Variants in MGAT4C observed in about 807,000 individuals in gnomAD.
The protein encoded by MGAT4C is MGAT4 family member C.
MGAT4C carries 19 observed loss-of-function variants against 40.1 expected under a neutral mutation model. The ratio of observed to expected loss-of-function variants is 0.47; its 90% CI spans 0.33 to 0.70. The LOEUF is 0.70. Among genes scored for constraint, MGAT4C ranks in the 30% least tolerant of loss-of-function variants. The pLI is 0.02. For missense variants in MGAT4C, 491 were observed against 563.2 expected (o/e 0.87, Z 1.30); for synonymous variants, 181 against 187.1 (o/e 0.97, Z 0.27).
chr12:86,345,653 T>C (rs1955013591), intron 3 of MGAT4C, among the ~76,000 whole-genome samples: 2 of 152,096 alleles, frequency 1.3e-5, no homozygotes, highest in African/African-American at 4.8e-5. Flanking sequence ...TATGTGCACA[T>C]TGTTGGACAT....
intron 1 of MGAT4C, among the ~76,000 whole-genome samples, chr12:86,202,857 T>C: frequency 6.6e-6 from 1 of 152,164 alleles, no homozygotes; most frequent in Non-Finnish European, 1.5e-5. Context: ...TCTTTTGCAA[T>C]TTCAAAATTA....
At chr12:86,258,026 A>G (rs1367417894), upstream of MGAT4C, among the ~76,000 whole-genome samples, 1 of 149,666 alleles carries the variant, frequency 6.7e-6, no homozygotes, top group Admixed American at 6.7e-5. Context: ...TAAGATAATT[A>G]ATATTATCGT....
chr12:86,398,025 C>T (rs776681129), intron 3 of MGAT4C, among the ~76,000 whole-genome samples: 2 of 152,010 alleles, frequency 1.3e-5, no homozygotes, highest in African/African-American at 4.8e-5. Context: ...GTTTGTATTC[C>T]GAGAAACAAT....
intron 1 of MGAT4C, among the ~76,000 whole-genome samples, chr12:86,129,457 A>T (rs1880838286): frequency 6.6e-6 from 1 of 151,222 alleles, no homozygotes; most frequent in African/African-American, 2.4e-5. Context: ...AAAAACAGAG[A>T]GTTAATTTTA....
At chr12:86,254,897 C>T (rs561908313) in intron 1 of MGAT4C, among the ~76,000 whole-genome samples, 95 of 152,098 alleles carry the variant, frequency 6.2e-4, no homozygotes, top group African/African-American at 2.1e-3. Context: ...GGAGACAATT[C>T]GAACAACAGT....
chr12:86,570,095 T>C (rs1205939849), intron 2 of MGAT4C, among the ~76,000 whole-genome samples: 1 of 152,060 alleles, frequency 6.6e-6, no homozygotes, highest in African/African-American at 2.4e-5. Flanking sequence ...AAAATTTCAA[T>C]GAAACAGGAT....
intron 2 of MGAT4C, among the ~76,000 whole-genome samples, chr12:86,687,914 T>A (rs1023544054): frequency 4.6e-5 from 7 of 152,170 alleles, no homozygotes; most frequent in Non-Finnish European, 1.0e-4. Context: ...TGTTGATCTG[T>A]CTAATATTGA....
intron 1 of MGAT4C, among the ~76,000 whole-genome samples, chr12:86,222,733 C>A (rs1950929400): frequency 6.6e-6 from 1 of 152,142 alleles, no homozygotes; most frequent in African/African-American, 2.4e-5. Context: ...AAAATCTATA[C>A]ATATCACAGA....
chr12:86,364,393 T>C (rs1955547740), intron 3 of MGAT4C, among the ~76,000 whole-genome samples: 1 of 152,186 alleles, frequency 6.6e-6, no homozygotes, highest in African/African-American at 2.4e-5. Context: ...AAGAATGTTA[T>C]TTCCTAAGTT....
chr12:86,342,660 C>T (rs1954929240), intron 3 of MGAT4C, among the ~76,000 whole-genome samples: 4 of 152,062 alleles, frequency 2.6e-5, no homozygotes, highest in African/African-American at 9.7e-5. Flanking sequence ...AGGATGATCT[C>T]GATCTCCTGA....
chr12:86,791,552 A>T (rs1952022370), intron 1 of MGAT4C, among the ~76,000 whole-genome samples: 1 of 151,988 alleles, frequency 6.6e-6, no homozygotes, highest in African/African-American at 2.4e-5. Context: ...TTTCCTTTGC[A>T]TATTTAGGTG....
intron 1 of MGAT4C, among the ~76,000 whole-genome samples, chr12:86,735,080 G>A (rs1950964271): frequency 6.6e-6 from 1 of 151,992 alleles, no homozygotes; most frequent in South Asian, 2.1e-4. Flanking sequence ...AAACTGTAGA[G>A]AATCCAATCT....
At chr12:86,540,099 G>A (rs2136384134) in intron 2 of MGAT4C, among the ~76,000 whole-genome samples, 1 of 152,296 alleles carries the variant, frequency 6.6e-6, no homozygotes, top group South Asian at 2.1e-4. Context: ...CCTTGCCCAT[G>A]CCTATGTCCT....
chr12:85,966,883 C>G lies in MGAT4C; in HGVS notation c.*12406G>C, dbSNP rs1429562333. On this transcript the variant is annotated 3_prime_UTR_variant, in exon 5 of 5. Coordinates refer to ENST00000611864, the MANE Select transcript of MGAT4C (RefSeq NM_001351288.2). ...GACACAGGAAGGGGAACATCACACA[C>G]TGGGCCTGTTGTGGGGTCAGGGGAG... 1 of 144,862 alleles carries G rather than the reference C, an allele frequency of 6.9e-6. No individual in the cohort carries two copies. Among genetic ancestry groups the G allele is most frequent in the Non-Finnish European group, 1.5e-5 (1 of 66,736 alleles). 9.0% of individuals were successfully genotyped at this position (144,862 alleles called of 1,614,324 possible).
intron 2 of MGAT4C, among the ~76,000 whole-genome samples, chr12:86,671,527 G>A (rs1417157149): frequency 6.6e-6 from 1 of 152,132 alleles, no homozygotes; most frequent in Non-Finnish European, 1.5e-5. Flanking sequence ...GAAGAAAAGT[G>A]AGGCCCAATT....
intron 3 of MGAT4C, among the ~76,000 whole-genome samples, chr12:86,376,231 A>T (rs2136215707): frequency 6.6e-6 from 1 of 150,566 alleles, no homozygotes; most frequent in East Asian, 1.9e-4. Context: ...AAAAAAAAAA[A>T]AAAAAAAAGA....
intron 1 of MGAT4C, among the ~76,000 whole-genome samples, chr12:86,790,896 T>A (rs1048535433): frequency 2.0e-5 from 3 of 152,092 alleles, no homozygotes; most frequent in African/African-American, 7.2e-5. Flanking sequence ...TTTTTAATGT[T>A]CAGACAATGT....
chr12:86,331,224 C>T lies in MGAT4C; in HGVS notation c.-57+2841G>A, dbSNP rs368029378. 4.6e-5 allele frequency among the ~76,000 whole-genome samples: 7 copies of T among 152,278 alleles called. No individual in the cohort carries two copies. In the South Asian group the frequency reaches 1.4e-3, roughly 32 times the overall value. Reference sequence around the variant, plus strand: ...TTTGACTTGGCATTTTGTACATTGGCATGCTTCCAAGCGGTTGCATCCCTT... The same window carrying T: ...TTTGACTTGGCATTTTGTACATTGGTATGCTTCCAAGCGGTTGCATCCCTT... On this transcript the variant is annotated intron_variant, in intron 4 of 7. Transcript: ENST00000548651.
At chr12:86,604,816 A>T (rs1009017663) in intron 2 of MGAT4C, among the ~76,000 whole-genome samples, 2 of 152,118 alleles carry the variant, frequency 1.3e-5, no homozygotes, top group African/African-American at 4.8e-5. Flanking sequence ...AAAAATAAAA[A>T]ATTATTCCAT....
Sources: allele counts gnomAD v4.1 joint callset (sites outside exome capture counted in the v4.1 genomes callset), GRCh38; gene constraint gnomAD v4.1.1; transcripts MANE v1.5; gene names NCBI Gene and HGNC (gene_info 2026-07-23, HGNC 2026-07-21).